The following RTN1 variants were observed in gnomAD, a reference collection of about 807,000 sequenced individuals.
RTN1 encodes reticulon 1, also known as reticulon-1.
In RTN1, 25 loss-of-function variants were observed where a neutral mutation model predicts 65.5. That is an observed-to-expected ratio of 0.38 (90% CI 0.28 to 0.53). The LOEUF is 0.53. Among genes scored for constraint, RTN1 ranks in the 20% least tolerant of loss-of-function variants. RTN1 has a pLI of 0.79. For synonymous variants in RTN1, 471 were observed against 447.6 expected, an observed-to-expected ratio of 1.05 and a Z score of -0.66; for missense variants, 983 against 1,025.4, an observed-to-expected ratio of 0.96 and a Z score of 0.57.
rs577399942 is a variant in RTN1, at chr14:59,596,563, G to A, written c.*182C>T. On this transcript the variant is annotated 3_prime_UTR_variant, in exon 9 of 9. Transcript: ENST00000267484. Reference sequence around the variant, plus strand: ...CTCTATACTTTAGTGGTTGACACAAGTGACTCAAATATCCTAAGAGTACAA... The same window carrying A: ...CTCTATACTTTAGTGGTTGACACAAATGACTCAAATATCCTAAGAGTACAA... The A allele has an allele frequency of 1.5e-4, 81 of 545,362 alleles. 1 individual carries two copies. Among genetic ancestry groups the A allele is most frequent in the Non-Finnish European group, 2.5e-4 (74 of 300,148 alleles). The allele number at this position is 545,362 out of a possible 1,614,324, so 33.8% of individuals were successfully genotyped here. A position where few individuals can be genotyped will look rare whatever the true frequency, so the allele number is the denominator to read the frequency against.
At chr14:59,748,156 G>C (rs1885267081) in intron 1 of RTN1, among the ~76,000 whole-genome samples, 2 of 149,806 alleles carry the variant, frequency 1.3e-5, no homozygotes, top group Non-Finnish European at 3.0e-5. Context: ...AAGTAACCTG[G>C]AAGCCAAGAA....
At chr14:59,698,649 C>A (rs1475702944) in intron 3 of RTN1, among the ~76,000 whole-genome samples, 2 of 152,162 alleles carry the variant, frequency 1.3e-5, no homozygotes, top group African/African-American at 4.8e-5. Context: ...CTCTTCCTTG[C>A]ATTCTGCCAT....
At chr14:59,858,426 A>T (rs1301417209) in intron 1 of RTN1, among the ~76,000 whole-genome samples, 2 of 151,750 alleles carry the variant, frequency 1.3e-5, no homozygotes, top group African/African-American at 4.8e-5. Flanking sequence ...TGTCAACTAG[A>T]TCAGGAATCA....
intron 3 of RTN1, among the ~76,000 whole-genome samples, chr14:59,620,574 T>G (rs1306759242): frequency 3.3e-5 from 5 of 152,244 alleles, no homozygotes; most frequent in Non-Finnish European, 7.3e-5. Flanking sequence ...TCAAAACGAA[T>G]TTTACCTGTT....
chr14:59,822,547 C>T (rs78082148), intron 1 of RTN1, among the ~76,000 whole-genome samples: 1 of 152,032 alleles, frequency 6.6e-6, no homozygotes, highest in African/African-American at 2.4e-5. Flanking sequence ...GTTTTCTTCT[C>T]CAAGCTTTGG....
At chr14:59,646,226 G>A (rs1363357693) in intron 3 of RTN1, among the ~76,000 whole-genome samples, 1 of 152,110 alleles carries the variant, frequency 6.6e-6, no homozygotes, top group African/African-American at 2.4e-5. Context: ...TTGGAAGACT[G>A]GCTCTTTTAA....
intron 1 of RTN1, among the ~76,000 whole-genome samples, chr14:59,781,919 T>G (rs757306711): frequency 6.6e-6 from 1 of 152,148 alleles, no homozygotes. Context: ...GTGACCTGTA[T>G]GTTTGTGTGT....
intron 3 of RTN1, among the ~76,000 whole-genome samples, chr14:59,663,719 T>C (rs998141325): frequency 2.6e-5 from 4 of 151,338 alleles, no homozygotes; most frequent in African/African-American, 9.7e-5. Flanking sequence ...AACAAACATA[T>C]GAAAAAAAGC....
intron 3 of RTN1, among the ~76,000 whole-genome samples, chr14:59,647,361 A>C (rs1187532875): frequency 6.6e-6 from 1 of 152,218 alleles, no homozygotes; most frequent in Admixed American, 6.5e-5. Flanking sequence ...GGGAGACTTC[A>C]ACACTTACTG....
At chr14:59,752,796 G>C (rs543045688) in intron 1 of RTN1, among the ~76,000 whole-genome samples, 1 of 152,256 alleles carries the variant, frequency 6.6e-6, no homozygotes, top group East Asian at 1.9e-4. Context: ...CTGAGAACAA[G>C]CTATGACTAA....
chr14:59,837,106 G>T (rs1402676970), intron 1 of RTN1, among the ~76,000 whole-genome samples: 4 of 151,846 alleles, frequency 2.6e-5, no homozygotes, highest in African/African-American at 9.7e-5. Flanking sequence ...AATTAAAATA[G>T]TATACAATGA....
At chr14:59,614,578 T>C (rs1157796369) in intron 3 of RTN1, among the ~76,000 whole-genome samples, 1 of 152,230 alleles carries the variant, frequency 6.6e-6, no homozygotes, top group Non-Finnish European at 1.5e-5. Flanking sequence ...TAAAATAAAA[T>C]GTCTTGAAAA....
At chr14:59,785,000 CTGTT>C (rs1484016083) in intron 1 of RTN1, among the ~76,000 whole-genome samples, 1 of 152,160 alleles carries the variant, frequency 6.6e-6, no homozygotes, top group East Asian at 1.9e-4. Context: ...CTAAATTGAT[CTGTT>C]TGTCATATTT....
Position 59,749,202 on chromosome 14 carries a change from A to C in RTN1, c.242-2721T>G, listed in dbSNP as rs1188994146. On this transcript the variant is annotated intron_variant, in intron 1 of 8. Transcript: ENST00000267484. ...TATATATCTATCTATATATATCTAT[A>C]TATATATCTATATATATCTATATAT... is the stretch of plus-strand genomic sequence containing the variant. Among the ~76,000 whole-genome samples, 12 of 81,832 alleles carry C rather than the reference A, an allele frequency of 1.5e-4. 2 individuals carry two copies. The highest frequency in any genetic ancestry group is 3.1e-4 in the South Asian group (1 of 3,186). The allele number at this position is 81,832 out of a possible 152,430, so 53.7% of individuals were successfully genotyped here.
intron 3 of RTN1, among the ~76,000 whole-genome samples, chr14:59,689,081 T>G (rs918154261): frequency 2.0e-5 from 3 of 151,818 alleles, no homozygotes; most frequent in African/African-American, 7.3e-5. Context: ...TCTTAAGCAA[T>G]CCAGGAAATG....
At chr14:59,723,902 C>T (rs754116807) in intron 3 of RTN1, among the ~76,000 whole-genome samples, 1 of 152,122 alleles carries the variant, frequency 6.6e-6, no homozygotes, top group African/African-American at 2.4e-5. Context: ...GAATATGAAC[C>T]CAACGGCACA....
At chr14:59,714,778 G>A (rs749742464) in intron 3 of RTN1, among the ~76,000 whole-genome samples, 1 of 152,176 alleles carries the variant, frequency 6.6e-6, no homozygotes, top group Non-Finnish European at 1.5e-5. Context: ...ATATAAACTA[G>A]CAGGTCCCCA....
chr14:59,783,896 A>T (rs1886202315), intron 1 of RTN1, among the ~76,000 whole-genome samples: 2 of 147,310 alleles, frequency 1.4e-5, no homozygotes, highest in African/African-American at 2.6e-5. Flanking sequence ...TAACCTTATA[A>T]TTTTCCAATC....
At chr14:59,664,643 T>G (rs10148684) in intron 3 of RTN1, among the ~76,000 whole-genome samples, 61,299 of 152,026 alleles carry the variant, frequency 0.4, 12,938 homozygotes, top group African/African-American at 0.51. Context: ...CTGTATCATA[T>G]GATGTTTTGA....
Sources: allele counts gnomAD v4.1 joint callset (sites outside exome capture counted in the v4.1 genomes callset), GRCh38; gene constraint gnomAD v4.1.1; transcripts MANE v1.5; gene names NCBI Gene and HGNC (gene_info 2026-07-23, HGNC 2026-07-21).